ALKAL1: variants seen among roughly 807,000 people sequenced by gnomAD.
ALKAL1 encodes AUG-beta.
Under a neutral mutation model 13.5 loss-of-function variants are expected in ALKAL1, and 23 were observed. The observed-to-expected ratio is 1.70, with a 90% confidence interval of 1.23 to 2.41. ALKAL1 has a LOEUF of 2.41. Ranked by LOEUF, ALKAL1 falls within the 30% of genes most tolerant of loss-of-function variation. The probability of loss-of-function intolerance (pLI) is 0.00; values close to 1 mark genes in which losing one functional copy is unlikely to be tolerated. For missense variants in ALKAL1, 181 were observed against 178.4 expected (o/e 1.01, Z -0.08); for synonymous variants, 85 against 77.7 (o/e 1.09, Z -0.49).
chr8:52,555,162 C>T (rs1269412939), intron 1 of ALKAL1, among the ~76,000 whole-genome samples: 5 of 147,918 alleles, frequency 3.4e-5, no homozygotes, highest in African/African-American at 1.3e-4. Flanking sequence ...CAGAGCGAGA[C>T]TCTGTCTCAG....
At chr8:52,553,120 G>C (rs1847445276) in intron 1 of ALKAL1, among the ~76,000 whole-genome samples, 2 of 152,162 alleles carry the variant, frequency 1.3e-5, no homozygotes, top group South Asian at 4.1e-4. Context: ...GGACAAGGTG[G>C]AAAAATCACT....
intron 1 of ALKAL1, among the ~76,000 whole-genome samples, chr8:52,546,997 GT>G (rs1482505899): frequency 6.6e-6 from 1 of 152,198 alleles, no homozygotes; most frequent in Non-Finnish European, 1.5e-5. Context: ...AATTAAAATG[GT>G]GGGAGGCGCC....
chr8:52,544,564 G>A (rs1007402999), intron 1 of ALKAL1, among the ~76,000 whole-genome samples: 2 of 152,126 alleles, frequency 1.3e-5, no homozygotes, highest in African/African-American at 4.8e-5. Context: ...CAAAGGAATG[G>A]TACGGTTAAG....
chr8:52,539,381 C>T (rs962458671), intron 3 of ALKAL1, among the ~76,000 whole-genome samples: 1 of 152,036 alleles, frequency 6.6e-6, no homozygotes, highest in African/African-American at 2.4e-5. Flanking sequence ...ATTATAGCAA[C>T]CTTTACATGC....
intron 1 of ALKAL1, among the ~76,000 whole-genome samples, chr8:52,546,115 T>C (rs1352155062): frequency 6.6e-6 from 1 of 152,200 alleles, no homozygotes; most frequent in Non-Finnish European, 1.5e-5. Flanking sequence ...AGGACCACCA[T>C]GGTATATGCA....
rs140339362 is a variant in ALKAL1 at position 52,542,414 on chromosome 8, G to A, written c.222C>T (p.Asp74=). The change falls in exon 2 of 5, where the codon GAC becomes GAT. Residue 74 remains aspartate (D), a synonymous_variant. Coordinates refer to ENST00000358543, the MANE Select transcript of ALKAL1 (RefSeq NM_207413.4). ...TACCTGTGAAATGCTTTATGAATTT[G>A]TCTTTTAAGTTAGAGTCTCTTGGGA... The part of the protein sequence containing the change: ...EIFPRDSNLK[D]KFIKHFTGPV... 6.5e-7 allele frequency: 1 copy of A among 1,545,176 alleles called. No individual in the cohort carries two copies. Among genetic ancestry groups the A allele is most frequent in the Non-Finnish European group, 8.9e-7 (1 of 1,125,428 alleles).
intron 1 of ALKAL1, among the ~76,000 whole-genome samples, chr8:52,542,913 G>A (rs1294487044): frequency 6.6e-6 from 1 of 152,128 alleles, no homozygotes; most frequent in African/African-American, 2.4e-5. Context: ...TTCCCTCAAC[G>A]AGTCTGGCCC....
chr8:52,534,541 A>T lies in ALKAL1; in HGVS notation c.*72T>A. The T allele has an allele frequency of 1.7e-6, 1 of 592,726 alleles. No homozygotes were observed. Among genetic ancestry groups the T allele is most frequent in the Admixed American group, 3.2e-5 (1 of 31,300 alleles). 36.7% of individuals were successfully genotyped at this position (592,726 alleles called of 1,614,324 possible). ...AAAAATATAAATTTCATCTTTTTTT[A>T]CATTTTGCATGATTTGAGGCACTTT... On this transcript the variant is annotated 3_prime_UTR_variant, in exon 5 of 5. Coordinates refer to ENST00000358543, the MANE Select transcript of ALKAL1 (RefSeq NM_207413.4).
In ALKAL1 at chr8:52,553,409, A is replaced by G. The variant is rs145334635; in HGVS notation, c.191-10964T>C. ...TCACTGATTATAAGAACTTCATAAAATTTATTTTAAATGATCTGACTTCAA... is the reference window on the plus strand; with the variant it reads ...TCACTGATTATAAGAACTTCATAAAGTTTATTTTAAATGATCTGACTTCAA... On this transcript the variant is annotated intron_variant, in intron 1 of 4. Transcript: ENST00000358543. Among the ~76,000 whole-genome samples the G allele has an allele frequency of 6.3e-3, 952 of 152,290 alleles. 10 individuals carry two copies. Among genetic ancestry groups the G allele is most frequent in the Middle Eastern group, 0.01 (3 of 294 alleles).
chr8:52,560,430 G>A (rs1437646178), intron 1 of ALKAL1, among the ~76,000 whole-genome samples: 1 of 152,068 alleles, frequency 6.6e-6, no homozygotes, highest in South Asian at 2.1e-4. Flanking sequence ...ACCTGGCCAC[G>A]TTTTTCTATC....
At chr8:52,560,408 G>A (rs541315580) in intron 1 of ALKAL1, among the ~76,000 whole-genome samples, 2 of 152,138 alleles carry the variant, frequency 1.3e-5, no homozygotes, top group South Asian at 2.1e-4. Flanking sequence ...GCAAATAGTC[G>A]AAGGAAATAT....
rs1223544616 is a variant in ALKAL1 at position 52,565,253 on chromosome 8, G to T, written c.4C>A (p.Arg2=). The part of the protein sequence containing the change: M[R]PLKPGAPLPA... ...AAAGGGGCGCCGGGCTTAAGGGGCC[G>T]CATGTTCGCAAGCCGGGAGGAGAGA... Residue 2 remains arginine, a synonymous_variant, in exon 1 of 5, where the codon CGG becomes AGG. Coordinates refer to ENST00000358543, the MANE Select transcript of ALKAL1 (RefSeq NM_207413.4). The T allele has an allele frequency of 4.6e-6, 6 of 1,310,434 alleles. No individual in the cohort carries two copies. Among genetic ancestry groups the T allele is most frequent in the Non-Finnish European group, 5.9e-6 (6 of 1,022,776 alleles). 81.2% of individuals were successfully genotyped at this position (1,310,434 alleles called of 1,614,324 possible).
In ALKAL1 at chr8:52,565,275, G is replaced by T; in HGVS notation, c.-19C>A. 1 of 1,299,376 alleles carries T rather than the reference G, an allele frequency of 7.7e-7. No homozygotes were observed. The highest frequency in any genetic ancestry group is 2.5e-5 in the South Asian group (1 of 40,136). The allele number at this position is 1,299,376 out of a possible 1,614,324, so 80.5% of individuals were successfully genotyped here. ...GCCGCATGTTCGCAAGCCGGGAGGA[G>T]AGAGCGGGAGACTCCGGGAGGATCC... On this transcript the variant is annotated 5_prime_UTR_variant, in exon 1 of 5. Coordinates refer to ENST00000358543, the MANE Select transcript of ALKAL1 (RefSeq NM_207413.4).
chr8:52,543,946 T>C lies in ALKAL1; in HGVS notation c.191-1501A>G, dbSNP rs139952265. Among the ~76,000 whole-genome samples, 140 of 152,278 alleles carry C rather than the reference T, an allele frequency of 9.2e-4. 1 individual carries two copies. The highest frequency in any genetic ancestry group is 3.2e-3 in the African/African-American group (132 of 41,554). On this transcript the variant is annotated intron_variant, in intron 1 of 4. Transcript: ENST00000358543. ...ACACTCAGGTGTGTAGAAAATTACA[T>C]ATTTTAAGTAAATTACCCTCCTCAT...
At chr8:52,538,692 T>C (rs1262304031) in intron 3 of ALKAL1, among the ~76,000 whole-genome samples, 185 bp from the exon 4 acceptor site, 1 of 152,168 alleles carries the variant, frequency 6.6e-6, no homozygotes, top group African/African-American at 2.4e-5. Context: ...GTGCTATTCC[T>C]ATCTTCACTT....
intron 1 of ALKAL1, among the ~76,000 whole-genome samples, chr8:52,549,887 AG>A (rs1422848675): frequency 6.6e-6 from 1 of 152,190 alleles, no homozygotes; most frequent in African/African-American, 2.4e-5. Flanking sequence ...GGTTGCAGTG[AG>A]CCCAGGTCAC....
intron 1 of ALKAL1, among the ~76,000 whole-genome samples, chr8:52,561,534 CACTT>C (rs1847550588): frequency 6.6e-6 from 1 of 152,152 alleles, no homozygotes; most frequent in African/African-American, 2.4e-5. Flanking sequence ...GGCACAGAGG[CACTT>C]ACAGTAGCTC....
rs1294254296 is a variant in ALKAL1, at chr8:52,534,550, A to C, written c.*63T>G. On this transcript the variant is annotated 3_prime_UTR_variant, in exon 5 of 5. Transcript: ENST00000358543. ...AATTTCATCTTTTTTTACATTTTGCATGATTTGAGGCACTTTTTCTTCAAA... is the reference window on the plus strand; with the variant it reads ...AATTTCATCTTTTTTTACATTTTGCCTGATTTGAGGCACTTTTTCTTCAAA... 5 of 596,890 alleles carry C rather than the reference A, an allele frequency of 8.4e-6. No homozygotes were observed. Among genetic ancestry groups the C allele is most frequent in the Non-Finnish European group, 1.5e-5 (5 of 339,158 alleles). The allele number at this position is 596,890 out of a possible 1,614,324, so 37.0% of individuals were successfully genotyped here.
intron 4 of ALKAL1, among the ~76,000 whole-genome samples, chr8:52,537,791 T>G (rs111664477): frequency 0.012 from 1,800 of 149,372 alleles, 37 homozygotes; most frequent in African/African-American, 0.042. Flanking sequence ...GAGAGTAGAA[T>G]GTTGGGTATT....
Sources: gnomAD v4.1 joint callset for allele counts (sites outside exome capture counted in the v4.1 genomes callset) on GRCh38, gnomAD v4.1.1 for gene constraint, MANE v1.5 for transcripts, NCBI Gene and HGNC (gene_info 2026-07-23, HGNC 2026-07-21) for gene names.